The following CCDC6 variants were observed in gnomAD, a reference collection of about 807,000 sequenced individuals.
CCDC6 encodes the protein coiled-coil domain containing 6, also known as coiled-coil domain-containing protein 6.
A neutral mutation model predicts 56.6 loss-of-function variants in CCDC6; 20 were observed. The observed-to-expected ratio is 0.35, with a 90% CI of 0.25 to 0.51. The LOEUF (loss-of-function observed/expected upper bound fraction) is 0.51. Among genes scored for constraint, CCDC6 ranks in the 20% least tolerant of loss-of-function variants. The pLI is 0.95. For missense variants in CCDC6, 367 were observed against 601.1 expected, an observed-to-expected ratio of 0.61 and a Z score of 4.07; for synonymous variants, 241 against 234.4, an observed-to-expected ratio of 1.03 and a Z score of -0.26.
Position 59,846,970 on chromosome 10 carries a change from G to C in CCDC6, c.453+5583C>G, listed in dbSNP as rs79789747. Among the ~76,000 whole-genome samples the C allele has an allele frequency of 4.5e-3, 682 of 152,326 alleles. 3 individuals are homozygous for C. Among genetic ancestry groups the C allele is most frequent in the Middle Eastern group, 0.031 (9 of 294 alleles). Reference sequence around the variant, plus strand: ...GAAAATCCACAATTGCTAAAACCATGATCAATCTCAGTGTCTGAGATAATT... The same window carrying C: ...GAAAATCCACAATTGCTAAAACCATCATCAATCTCAGTGTCTGAGATAATT... On this transcript the variant is annotated intron_variant, in intron 2 of 8. Transcript: ENST00000263102.
intron 1 of CCDC6, among the ~76,000 whole-genome samples, chr10:59,875,326 GTCTGGTAGAGA>G (rs1458948215): frequency 6.6e-6 from 1 of 152,124 alleles, no homozygotes; most frequent in Non-Finnish European, 1.5e-5. Flanking sequence ...TATATTTAAA[GTCTGGTAGAGA>G]TCTGCTCATC....
chr10:59,871,080 AC>A (rs1206691587), intron 1 of CCDC6, among the ~76,000 whole-genome samples: 2 of 152,250 alleles, frequency 1.3e-5, no homozygotes, highest in Non-Finnish European at 2.9e-5. Context: ...AAGACTATGC[AC>A]ATTATGATCC....
At chr10:59,866,830 A>G (rs1324391866) in intron 1 of CCDC6, among the ~76,000 whole-genome samples, 2 of 152,182 alleles carry the variant, frequency 1.3e-5, no homozygotes, top group African/African-American at 4.8e-5. Flanking sequence ...CTAACTTCCC[A>G]CAAAAGTCAA....
At chr10:59,839,950 C>T (rs954805899) in intron 2 of CCDC6, among the ~76,000 whole-genome samples, 20 of 152,126 alleles carry the variant, frequency 1.3e-4, no homozygotes, top group African/African-American at 3.6e-4. Flanking sequence ...CTCAGCCTCC[C>T]GAGTAGCTGG....
At chr10:59,897,346 C>T (rs909102532) in intron 1 of CCDC6, among the ~76,000 whole-genome samples, 10 of 152,014 alleles carry the variant, frequency 6.6e-5, no homozygotes, top group Non-Finnish European at 1.2e-4. Context: ...CTCCACCTCC[C>T]GGGTTCAAGC....
intron 5 of CCDC6, among the ~76,000 whole-genome samples, chr10:59,808,426 G>A (rs535722057): frequency 9.4e-4 from 143 of 152,126 alleles, no homozygotes; most frequent in African/African-American, 3.4e-3. Flanking sequence ...CCTCCCCACC[G>A]CCCCCATTCC....
chr10:59,894,019 G>A (rs1171452010), intron 1 of CCDC6, among the ~76,000 whole-genome samples: 10 of 152,216 alleles, frequency 6.6e-5, no homozygotes, highest in African/African-American at 2.2e-4. Context: ...AGTCCCTAAC[G>A]GTAAAGGGTT....
At chr10:59,872,413 C>G (rs561361789) in intron 1 of CCDC6, among the ~76,000 whole-genome samples, 5 of 152,298 alleles carry the variant, frequency 3.3e-5, no homozygotes, top group African/African-American at 1.2e-4. Flanking sequence ...GTGTCTGTTT[C>G]CTGTGCTGTT....
At chr10:59,795,548 G>C (rs988702391) in intron 7 of CCDC6, among the ~76,000 whole-genome samples, 2 of 151,428 alleles carry the variant, frequency 1.3e-5, no homozygotes, top group African/African-American at 4.9e-5. Flanking sequence ...ATGTATACAT[G>C]TGCCATGCTG....
chr10:59,841,667 T>TG (rs1457437440), intron 2 of CCDC6, among the ~76,000 whole-genome samples: 2 of 151,712 alleles, frequency 1.3e-5, no homozygotes, highest in African/African-American at 4.8e-5. Flanking sequence ...GTCTTGTTTT[T>TG]TTTGTTTGTT....
chr10:59,886,057 G>T (rs551728088), intron 1 of CCDC6, among the ~76,000 whole-genome samples: 2 of 152,098 alleles, frequency 1.3e-5, no homozygotes, highest in East Asian at 3.9e-4. Flanking sequence ...TAATATATAC[G>T]TTATTTGTAA....
chr10:59,841,484 T>C (rs2070938043), intron 2 of CCDC6, among the ~76,000 whole-genome samples: 1 of 152,142 alleles, frequency 6.6e-6, no homozygotes, highest in South Asian at 2.1e-4. Flanking sequence ...GAAAACAGAA[T>C]TCTAATCACT....
At chr10:59,840,182 C>T (rs557579213) in intron 2 of CCDC6, among the ~76,000 whole-genome samples, 1 of 152,266 alleles carries the variant, frequency 6.6e-6, no homozygotes, top group Admixed American at 6.5e-5. Flanking sequence ...ATATCTGGTA[C>T]ACAGGTACAT....
At chr10:59,803,115 A>T (rs1257489049) in intron 7 of CCDC6, among the ~76,000 whole-genome samples, 1 of 152,204 alleles carries the variant, frequency 6.6e-6, no homozygotes, top group African/African-American at 2.4e-5. Flanking sequence ...ATTTAATGGC[A>T]CTGGAAGATG....
intron 1 of CCDC6, among the ~76,000 whole-genome samples, chr10:59,853,922 C>T (rs1339602587): frequency 1.3e-5 from 2 of 152,090 alleles, no homozygotes; most frequent in East Asian, 3.9e-4. Flanking sequence ...AACGGAAAAG[C>T]CTAACCATCT....
chr10:59,869,807 C>T (rs1221750925), intron 1 of CCDC6, among the ~76,000 whole-genome samples: 2 of 152,154 alleles, frequency 1.3e-5, no homozygotes, highest in Non-Finnish European at 2.9e-5. Flanking sequence ...CATCTACCGG[C>T]CCTCCCGTGG....
At chr10:59,832,159 TG>T (rs2070840405) in intron 3 of CCDC6, among the ~76,000 whole-genome samples, 1 of 152,240 alleles carries the variant, frequency 6.6e-6, no homozygotes, top group African/African-American at 2.4e-5. Flanking sequence ...GAAGAAGCTT[TG>T]AAAGACCAGT....
intron 1 of CCDC6, among the ~76,000 whole-genome samples, chr10:59,885,376 G>T (rs1002364290): frequency 1.3e-5 from 2 of 152,100 alleles, no homozygotes; most frequent in Admixed American, 1.3e-4. Context: ...ATTTTTGCAG[G>T]TCAAATTTAT....
chr10:59,864,091 C>A (rs2071157336), intron 1 of CCDC6, among the ~76,000 whole-genome samples: 1 of 152,190 alleles, frequency 6.6e-6, no homozygotes, highest in African/African-American at 2.4e-5. Context: ...CTTTAAAAAA[C>A]TCATTCATGC....
Sources: allele counts gnomAD v4.1 joint callset (sites outside exome capture counted in the v4.1 genomes callset), GRCh38; gene constraint gnomAD v4.1.1; transcripts MANE v1.5; gene names NCBI Gene and HGNC (gene_info 2026-07-23, HGNC 2026-07-21).